RNF150: variants seen among roughly 807,000 people sequenced by gnomAD.
RNF150 encodes the protein ring finger protein 150.
A neutral mutation model predicts 39.3 loss-of-function variants in RNF150; 24 were observed. The ratio of observed to expected loss-of-function variants is 0.61; its 90% CI spans 0.44 to 0.86. RNF150 has a LOEUF of 0.86. Ranked by LOEUF, RNF150 falls within the 40% of genes least tolerant of loss-of-function variation. RNF150 has a pLI of 0.00. For missense variants in RNF150, 502 were observed against 587.8 expected (o/e 0.85, Z 1.51); for synonymous variants, 255 against 227.3 (o/e 1.12, Z -1.10).
intron 1 of RNF150, among the ~76,000 whole-genome samples, chr4:141,076,205 C>T (rs1737890117): frequency 6.6e-6 from 1 of 152,140 alleles, no homozygotes; most frequent in African/African-American, 2.4e-5. Flanking sequence ...ATCTTCCAGA[C>T]CTTGCATGCT....
At chr4:140,892,758 C>T (rs1729800218) in intron 6 of RNF150, among the ~76,000 whole-genome samples, 1 of 151,222 alleles carries the variant, frequency 6.6e-6, no homozygotes, top group South Asian at 2.1e-4. Flanking sequence ...AAACTGTACC[C>T]TAGAGTAAAA....
chr4:141,053,678 A>G lies in RNF150; in HGVS notation c.484+78647T>C, dbSNP rs765504683. Reference sequence around the variant, plus strand: ...GGCTAAAGCATACCTGAGGAAAGGGAATATGGGCATGGTGAAATCAGCTTC... The same window carrying G: ...GGCTAAAGCATACCTGAGGAAAGGGGATATGGGCATGGTGAAATCAGCTTC... On this transcript the variant is annotated intron_variant, in intron 1 of 6. Transcript: ENST00000515673. The G allele has an allele frequency of 1.1e-5, 16 of 1,402,448 alleles. No individual in the cohort carries two copies. In the South Asian group the frequency reaches 2.5e-4, roughly 21 times the overall value. 86.9% of individuals were successfully genotyped at this position (1,402,448 alleles called of 1,614,324 possible).
chr4:141,094,473 C>A (rs1360799201), intron 1 of RNF150, among the ~76,000 whole-genome samples: 1 of 152,232 alleles, frequency 6.6e-6, no homozygotes, highest in Non-Finnish European at 1.5e-5. Context: ...CTGCAAAGGG[C>A]CAAATAGTAA....
intron 1 of RNF150, among the ~76,000 whole-genome samples, chr4:141,210,721 T>G (rs1728449837): frequency 6.6e-6 from 1 of 152,126 alleles, no homozygotes. Context: ...TGGCCAGCAC[T>G]TCTGGTTTCC....
At chr4:141,068,699 T>C (rs1422383114) in intron 1 of RNF150, among the ~76,000 whole-genome samples, 1 of 148,122 alleles carries the variant, frequency 6.8e-6, no homozygotes, top group South Asian at 2.2e-4. Flanking sequence ...GAGCATGGAA[T>C]GTTCTTCCAT....
chr4:140,871,131 G>A (rs1474283226), intron 6 of RNF150, among the ~76,000 whole-genome samples: 1 of 151,930 alleles, frequency 6.6e-6, no homozygotes, highest in Admixed American at 6.6e-5. Context: ...TGTAAAAATT[G>A]TTTTTCTCCT....
In RNF150 at chr4:140,880,798, A is replaced by G. The variant is rs1729346521; in HGVS notation, c.1199-12419T>C. On this transcript the variant is annotated intron_variant, in intron 6 of 6. Coordinates refer to ENST00000515673, the MANE Select transcript of RNF150 (RefSeq NM_020724.2). ...TGTCTAGGAATTTCTACATTTATAC[A>G]TTTCTTCTAGGTTATTCACAGTAGT... Among the ~76,000 whole-genome samples the G allele has an allele frequency of 2.6e-5, 4 of 151,954 alleles. No homozygotes were observed. In the South Asian group the frequency reaches 8.3e-4, roughly 31 times the overall value.
At chr4:141,039,448 A>T (rs1425543901) in intron 1 of RNF150, among the ~76,000 whole-genome samples, 1 of 151,968 alleles carries the variant, frequency 6.6e-6, no homozygotes, top group Non-Finnish European at 1.5e-5. Flanking sequence ...AGGGAACAAG[A>T]GAGTGACAGC....
intron 5 of RNF150, among the ~76,000 whole-genome samples, chr4:140,917,802 C>T (rs1317238937): frequency 6.7e-6 from 1 of 150,226 alleles, no homozygotes. Context: ...TAAAGCACTC[C>T]TCAGCAAATG....
chr4:141,004,808 A>G (rs1274838855), intron 1 of RNF150, among the ~76,000 whole-genome samples: 1 of 152,256 alleles, frequency 6.6e-6, no homozygotes, highest in Non-Finnish European at 1.5e-5. Context: ...GCTTTCAACT[A>G]GGAAGTTAAC....
At chr4:141,038,614 A>G (rs936848339) in intron 1 of RNF150, among the ~76,000 whole-genome samples, 1 of 151,970 alleles carries the variant, frequency 6.6e-6, no homozygotes, top group African/African-American at 2.4e-5. Context: ...TTGGTTGAGT[A>G]TGGGAGGTCA....
At chr4:140,885,432 T>C (rs1046301414) in intron 6 of RNF150, among the ~76,000 whole-genome samples, 3 of 139,458 alleles carry the variant, frequency 2.2e-5, no homozygotes, top group Non-Finnish European at 4.6e-5. Flanking sequence ...TATGTACATA[T>C]ATCTTTTTTT....
chr4:141,095,481 T>C (rs926906078), intron 1 of RNF150, among the ~76,000 whole-genome samples: 2 of 152,150 alleles, frequency 1.3e-5, no homozygotes, highest in Admixed American at 1.3e-4. Flanking sequence ...AATGGATAAA[T>C]TGTGGCATGT....
rs913737854 is a variant in RNF150, at chr4:140,864,248, A to G, written c.*4013T>C. 2.6e-5 allele frequency: 4 copies of G among 152,156 alleles called. No homozygotes were observed. Among genetic ancestry groups the G allele is most frequent in the Admixed American group, 6.5e-5 (1 of 15,272 alleles). 9.4% of individuals were successfully genotyped at this position (152,156 alleles called of 1,614,324 possible). On this transcript the variant is annotated 3_prime_UTR_variant, in exon 7 of 7. Coordinates refer to ENST00000515673, the MANE Select transcript of RNF150 (RefSeq NM_020724.2). ...TAATTTTCTGCCTTCTCCAGACTCTACCTCTCCCTGTGTAGATGACCAGAG... is the reference window on the plus strand; with the variant it reads ...TAATTTTCTGCCTTCTCCAGACTCTGCCTCTCCCTGTGTAGATGACCAGAG...
chr4:141,159,156 A>G (rs1159805656), intron 1 of RNF150, among the ~76,000 whole-genome samples: 2 of 152,170 alleles, frequency 1.3e-5, no homozygotes, highest in Non-Finnish European at 2.9e-5. Flanking sequence ...TTTTGACCAG[A>G]GGTCAGTAAA....
At chr4:141,036,512 T>G (rs1389450017) in intron 1 of RNF150, among the ~76,000 whole-genome samples, 1 of 152,180 alleles carries the variant, frequency 6.6e-6, no homozygotes, top group Non-Finnish European at 1.5e-5. Context: ...ACTGAAACTG[T>G]ATACTCACGG....
intron 1 of RNF150, among the ~76,000 whole-genome samples, chr4:141,085,519 T>C (rs1185107944): frequency 6.6e-6 from 1 of 152,106 alleles, no homozygotes; most frequent in Admixed American, 6.5e-5. Context: ...CTGCCTGACA[T>C]GTGAGTGAAG....
At chr4:140,885,587 C>T (rs1307916987) in intron 6 of RNF150, among the ~76,000 whole-genome samples, 3 of 151,676 alleles carry the variant, frequency 2.0e-5, no homozygotes, top group African/African-American at 7.3e-5. Flanking sequence ...CAGGCATGCA[C>T]CACTATGCCC....
chr4:141,151,038 T>G (rs1166833923), intron 1 of RNF150, among the ~76,000 whole-genome samples: 1 of 152,040 alleles, frequency 6.6e-6, no homozygotes, highest in African/African-American at 2.4e-5. Context: ...CTCAAGTGAT[T>G]TAGCGCTTCT....
Sources: gnomAD v4.1 joint callset for allele counts (sites outside exome capture counted in the v4.1 genomes callset) on GRCh38, gnomAD v4.1.1 for gene constraint, MANE v1.5 for transcripts, NCBI Gene and HGNC (gene_info 2026-07-23, HGNC 2026-07-21) for gene names.